The following LRRC7 variants were observed in gnomAD, a reference collection of about 807,000 sequenced individuals.
LRRC7 encodes leucine rich repeat containing 7, also known as leucine-rich repeat-containing protein 7.
LRRC7 carries 23 observed loss-of-function variants against 175.7 expected under a neutral mutation model. The ratio of observed to expected loss-of-function variants is 0.13; its 90% confidence interval spans 0.09 to 0.19. The LOEUF (loss-of-function observed/expected upper bound fraction) is 0.19. Among genes scored for constraint, LRRC7 ranks in the 10% least tolerant of loss-of-function variants. The pLI, the probability that LRRC7 is intolerant of heterozygous loss-of-function variation, is 1.00. For missense variants in LRRC7, 1,354 were observed against 1,904.7 expected, an observed-to-expected ratio of 0.71 and a Z score of 5.38; for synonymous variants, 685 against 680.9, an observed-to-expected ratio of 1.01 and a Z score of -0.09.
chr1:69,845,549 T>C (rs1682263458), intron 7 of LRRC7, among the ~76,000 whole-genome samples: 1 of 152,132 alleles, frequency 6.6e-6, no homozygotes, highest in Non-Finnish European at 1.5e-5. Flanking sequence ...TCCTTTGTTA[T>C]CTAGTTTACT....
chr1:69,592,176 A>C (rs1245045), intron 1 of LRRC7, among the ~76,000 whole-genome samples: 1 of 151,878 alleles, frequency 6.6e-6, no homozygotes, highest in Non-Finnish European at 1.5e-5. Context: ...CCTCCCTCAC[A>C]CACATATACA....
intron 1 of LRRC7, among the ~76,000 whole-genome samples, chr1:69,657,562 A>G (rs917459418): frequency 2.0e-5 from 3 of 151,822 alleles, no homozygotes; most frequent in Non-Finnish European, 4.4e-5. Context: ...TTTTTCCCCG[A>G]TGTGTCTTCT....
intron 26 of LRRC7, among the ~76,000 whole-genome samples, chr1:70,111,144 G>C (rs1385962669): frequency 1.3e-5 from 2 of 152,166 alleles, no homozygotes; most frequent in Non-Finnish European, 2.9e-5. Context: ...AGATATATGA[G>C]AGAGCACAAG....
chr1:70,072,804 A>G (rs1662487987), intron 23 of LRRC7, among the ~76,000 whole-genome samples: 1 of 152,248 alleles, frequency 6.6e-6, no homozygotes. Context: ...GACCTAATTC[A>G]CTAAGTAGGG....
At position 69,627,081 on chromosome 1, in the gene LRRC7, A is replaced by G. The variant is rs530357122; in HGVS notation, c.3-51300A>G. ...CAGCATGATTTATAATCCTTTAGGT[A>G]TATACCCAGTAATGGGTTGGCTGGG... On this transcript the variant is annotated intron_variant, in intron 1 of 26. Coordinates refer to ENST00000651989, the MANE Select transcript of LRRC7 (RefSeq NM_001370785.2). Among the ~76,000 whole-genome samples the G allele has an allele frequency of 5.3e-4, 81 of 152,264 alleles. 1 individual carries two copies. In the South Asian group the frequency reaches 8.5e-3, roughly 16 times the overall value.
intron 1 of LRRC7, among the ~76,000 whole-genome samples, chr1:69,591,839 T>C (rs1646647828): frequency 1.3e-5 from 2 of 152,176 alleles, no homozygotes; most frequent in South Asian, 4.1e-4. Flanking sequence ...CTGCAGATGC[T>C]CTGTTCAAGG....
intron 7 of LRRC7, among the ~76,000 whole-genome samples, chr1:69,864,282 T>C (rs1377154018): frequency 6.6e-6 from 1 of 152,252 alleles, no homozygotes; most frequent in Non-Finnish European, 1.5e-5. Flanking sequence ...ATGTCTTTTA[T>C]ATTTCTATCT....
intron 2 of LRRC7, among the ~76,000 whole-genome samples, chr1:69,725,941 C>T (rs1570526147): frequency 6.6e-6 from 1 of 152,178 alleles, no homozygotes; most frequent in Non-Finnish European, 1.5e-5. Flanking sequence ...AACAAAGGGC[C>T]TGGACCCTAC....
chr1:69,609,896 T>A (rs1394665323), intron 1 of LRRC7, among the ~76,000 whole-genome samples: 1 of 152,074 alleles, frequency 6.6e-6, no homozygotes, highest in Non-Finnish European at 1.5e-5. Flanking sequence ...CCAGAAAATT[T>A]TTCACAATTT....
rs940921447 is a variant in LRRC7, at chr1:69,568,372, C to T, written c.-268C>T. Reference sequence around the variant, plus strand: ...AGTGGACGCGCTCCTGCCTCCCCCGCCGGCGCTTCGGGCTTCCCCTCAGCC... The same window carrying T: ...AGTGGACGCGCTCCTGCCTCCCCCGTCGGCGCTTCGGGCTTCCCCTCAGCC... On this transcript the variant is annotated 5_prime_UTR_variant, in exon 1 of 27. Transcript: ENST00000651989. 2 of 206,424 alleles carry T rather than the reference C, an allele frequency of 9.7e-6. No homozygotes were observed. The highest frequency in any genetic ancestry group is 4.8e-5 in the African/African-American group (2 of 41,726). The allele number at this position is 206,424 out of a possible 1,614,324, so 12.8% of individuals were successfully genotyped here. A position where few individuals can be genotyped will look rare whatever the true frequency, so the allele number is the denominator to read the frequency against.
intron 1 of LRRC7, among the ~76,000 whole-genome samples, chr1:69,630,862 T>C (rs1652379980): frequency 1.3e-5 from 2 of 152,090 alleles, no homozygotes; most frequent in African/African-American, 2.4e-5. Context: ...GGAGAAAATA[T>C]TGGCCAAATA....
At chr1:70,106,824 G>T (rs1175015573) in intron 25 of LRRC7, among the ~76,000 whole-genome samples, 3 of 152,152 alleles carry the variant, frequency 2.0e-5, no homozygotes, top group Non-Finnish European at 4.4e-5. Flanking sequence ...CCTTACCTGT[G>T]TGGATGACTT....
chr1:69,630,935 C>A (rs1345210842), intron 1 of LRRC7, among the ~76,000 whole-genome samples: 1 of 151,248 alleles, frequency 6.6e-6, no homozygotes, highest in African/African-American at 2.4e-5. Context: ...AGATCTGTAA[C>A]TTCTTCTTTT....
chr1:69,680,046 C>T (rs750194070), intron 2 of LRRC7, among the ~76,000 whole-genome samples: 1 of 152,086 alleles, frequency 6.6e-6, no homozygotes, highest in African/African-American at 2.4e-5. Flanking sequence ...TTACCTGGGT[C>T]TTCATAAAAA....
intron 1 of LRRC7, among the ~76,000 whole-genome samples, chr1:69,604,167 G>A (rs1647209930): frequency 6.6e-6 from 1 of 151,964 alleles, no homozygotes; most frequent in Non-Finnish European, 1.5e-5. Context: ...TTTTCTCTGG[G>A]AATTTACGTA....
chr1:69,936,286 G>T (rs1382784267), intron 8 of LRRC7, among the ~76,000 whole-genome samples: 1 of 152,070 alleles, frequency 6.6e-6, no homozygotes, highest in Non-Finnish European at 1.5e-5. Flanking sequence ...AAAATGTTAG[G>T]ACTTGATTAC....
At chr1:69,763,662 A>G (rs1671286560) in intron 3 of LRRC7, among the ~76,000 whole-genome samples, 1 of 152,102 alleles carries the variant, frequency 6.6e-6, no homozygotes, top group Non-Finnish European at 1.5e-5. Context: ...CTGCTATAAA[A>G]TAATTATTTC....
intron 3 of LRRC7, among the ~76,000 whole-genome samples, chr1:69,763,507 A>T (rs932325040): frequency 6.6e-6 from 1 of 152,048 alleles, no homozygotes; most frequent in African/African-American, 2.4e-5. Context: ...TAGCTACTAT[A>T]AGAAAAGTGG....
chr1:70,116,573 A>C (rs1465697096), intron 26 of LRRC7, among the ~76,000 whole-genome samples: 3 of 151,412 alleles, frequency 2.0e-5, no homozygotes, highest in Non-Finnish European at 4.4e-5. Flanking sequence ...AAACACAGAA[A>C]TTCTTATTTA....
Sources: gnomAD v4.1 joint callset for allele counts (sites outside exome capture counted in the v4.1 genomes callset) on GRCh38, gnomAD v4.1.1 for gene constraint, MANE v1.5 for transcripts, NCBI Gene and HGNC (gene_info 2026-07-23, HGNC 2026-07-21) for gene names.